FTO: variants seen among roughly 807,000 people sequenced by gnomAD.
FTO encodes the protein alpha-ketoglutarate-dependent dioxygenase FTO.
Under a neutral mutation model 63.9 loss-of-function variants are expected in FTO, and 47 were observed. That is an observed-to-expected ratio of 0.74 (90% CI 0.58 to 0.94). The LOEUF (loss-of-function observed/expected upper bound fraction) is 0.94. Among genes scored for constraint, FTO ranks in the 40% least tolerant of loss-of-function variants. The pLI is 0.00. For synonymous variants in FTO, 207 were observed against 224.4 expected, an observed-to-expected ratio of 0.92 and a Z score of 0.69; for missense variants, 562 against 618.1, an observed-to-expected ratio of 0.91 and a Z score of 0.96.
rs1446903440 is a variant in FTO at position 54,119,305 on chromosome 16, A to T, written c.*7390A>T. On this transcript the variant is annotated 3_prime_UTR_variant, in exon 9 of 9. Transcript: ENST00000471389. The stretch of plus-strand genomic sequence containing the variant: ...TTTCAAATAGGGAATTCGGCTTTCC[A>T]CGTTGGAACCAGAACAGTTAACCTT... The T allele has an allele frequency of 6.6e-6, 1 of 152,210 alleles. No individual in the cohort carries two copies. The highest frequency in any genetic ancestry group is 2.4e-5 in the African/African-American group (1 of 41,452). The allele number at this position is 152,210 out of a possible 1,614,324, so 9.4% of individuals were successfully genotyped here.
chr16:53,778,473 CAT>C (rs2077512038), intron 1 of FTO, among the ~76,000 whole-genome samples: 1 of 152,168 alleles, frequency 6.6e-6, no homozygotes, highest in South Asian at 2.1e-4. Flanking sequence ...TTTTACCCAG[CAT>C]TCTTTAAACC....
At chr16:53,836,613 CT>C (rs1402169629) in intron 3 of FTO, among the ~76,000 whole-genome samples, 1 of 148,684 alleles carries the variant, frequency 6.7e-6, no homozygotes, top group African/African-American at 2.4e-5. Flanking sequence ...TAATAGGATT[CT>C]TTTGATAGCA....
rs554398958 is a variant in FTO, at chr16:53,737,604, C to T, written c.45+33375C>T. Among the ~76,000 whole-genome samples, 3 of 152,310 alleles carry T rather than the reference C, an allele frequency of 2.0e-5. No homozygotes were observed. In the South Asian group the frequency reaches 6.2e-4, roughly 32 times the overall value. ...ATGCGGTCCGTTGTTGTCTGAAATA[C>T]CATTCTGCAATGCAAGACTGTGCAT... On this transcript the variant is annotated intron_variant, in intron 1 of 8. Coordinates refer to ENST00000471389, the MANE Select transcript of FTO (RefSeq NM_001080432.3).
intron 8 of FTO, among the ~76,000 whole-genome samples, chr16:53,941,894 A>C (rs1369810683): frequency 6.6e-6 from 1 of 152,194 alleles, no homozygotes; most frequent in African/African-American, 2.4e-5. Flanking sequence ...ACATTAAGCT[A>C]TCTCTTCCAT....
chr16:53,741,730 A>G (rs2151541535), intron 1 of FTO, among the ~76,000 whole-genome samples: 1 of 152,276 alleles, frequency 6.6e-6, no homozygotes, highest in African/African-American at 2.4e-5. Context: ...GTTGTGTATC[A>G]AGTTACCACA....
chr16:53,808,380 C>T (rs977729503), intron 1 of FTO, among the ~76,000 whole-genome samples: 8 of 151,812 alleles, frequency 5.3e-5, no homozygotes, highest in Non-Finnish European at 8.8e-5. Context: ...TCAACCTTTT[C>T]GTTGTAAATG....
intron 1 of FTO, among the ~76,000 whole-genome samples, chr16:53,715,504 A>G (rs1002166866): frequency 2.0e-5 from 3 of 152,222 alleles, no homozygotes; most frequent in African/African-American, 7.2e-5. Flanking sequence ...GGCAGGATGC[A>G]TCTTGGTGTC....
chr16:53,801,154 C>T (rs527904348), intron 1 of FTO, among the ~76,000 whole-genome samples: 12 of 151,566 alleles, frequency 7.9e-5, no homozygotes, highest in Non-Finnish European at 1.5e-4. Flanking sequence ...TTCTTTGATC[C>T]CTTTTTTTCT....
intron 8 of FTO, among the ~76,000 whole-genome samples, chr16:53,995,812 G>A (rs1446734387): frequency 2.6e-5 from 4 of 152,284 alleles, no homozygotes; most frequent in Non-Finnish European, 5.9e-5. Flanking sequence ...CTTGGGTTAA[G>A]CCAGTCATCG....
intron 3 of FTO, among the ~76,000 whole-genome samples, chr16:53,840,190 TA>T (rs1260769939): frequency 6.6e-6 from 1 of 152,180 alleles, no homozygotes; most frequent in African/African-American, 2.4e-5. Flanking sequence ...AAAACCTTCC[TA>T]AAATATTTCC....
At chr16:53,934,776 A>G (rs1043745692) in intron 8 of FTO, among the ~76,000 whole-genome samples, 2 of 152,226 alleles carry the variant, frequency 1.3e-5, no homozygotes. Context: ...ATATGGTGTT[A>G]TAATCTTATG....
chr16:53,874,187 C>A (rs1236435066), intron 5 of FTO, among the ~76,000 whole-genome samples: 2 of 152,138 alleles, frequency 1.3e-5, no homozygotes, highest in African/African-American at 4.8e-5. Context: ...AGGAGATGAC[C>A]AGAAGAATTG....
At chr16:54,003,563 C>T (rs1006959488) in intron 8 of FTO, among the ~76,000 whole-genome samples, 5 of 152,012 alleles carry the variant, frequency 3.3e-5, no homozygotes, top group Non-Finnish European at 7.4e-5. Flanking sequence ...GCTATGTTGC[C>T]CAAGCCAGTC....
intron 8 of FTO, among the ~76,000 whole-genome samples, chr16:54,038,542 A>G (rs2084996791): frequency 6.6e-6 from 1 of 152,124 alleles, no homozygotes; most frequent in Non-Finnish European, 1.5e-5. Context: ...TCCAAATTGC[A>G]TGTTGAAATG....
intron 8 of FTO, among the ~76,000 whole-genome samples, chr16:53,951,583 A>G (rs1313064547): frequency 1.3e-5 from 2 of 152,290 alleles, no homozygotes; most frequent in African/African-American, 4.8e-5. Flanking sequence ...GAAAATTTAT[A>G]TGCTTTGCTT....
intron 1 of FTO, among the ~76,000 whole-genome samples, chr16:53,727,057 T>G (rs2076171858): frequency 6.6e-6 from 1 of 152,166 alleles, no homozygotes; most frequent in African/African-American, 2.4e-5. Context: ...CCCCTCTTCT[T>G]TTCTTTCTTT....
At chr16:54,048,953 G>A (rs180714847) in intron 8 of FTO, among the ~76,000 whole-genome samples, 3 of 152,186 alleles carry the variant, frequency 2.0e-5, no homozygotes, top group East Asian at 3.9e-4. Context: ...ACGGTTGAAG[G>A]ACCATGTAAT....
intron 8 of FTO, among the ~76,000 whole-genome samples, chr16:53,977,000 T>C (rs1288554117): frequency 6.6e-6 from 1 of 152,168 alleles, no homozygotes; most frequent in Non-Finnish European, 1.5e-5. Flanking sequence ...CTTTTTCCTG[T>C]CTTGGCTGAT....
chr16:53,731,872 C>T lies in FTO; in HGVS notation c.45+27643C>T, dbSNP rs1196945310. Among the ~76,000 whole-genome samples the T allele has an allele frequency of 6.0e-5, 9 of 149,138 alleles. No individual in the cohort carries two copies. In the East Asian group the frequency reaches 1.0e-3, roughly 17 times the overall value. ...ACGCCATTCTCCTGCCTCAGCCTCC[C>T]GAGTAGCTGGGACTACAGGCTGTTT... is the stretch of plus-strand genomic sequence containing the variant. On this transcript the variant is annotated intron_variant, in intron 1 of 8. Transcript: ENST00000471389.
Sources: gnomAD v4.1 joint callset for allele counts (sites outside exome capture counted in the v4.1 genomes callset) on GRCh38, gnomAD v4.1.1 for gene constraint, MANE v1.5 for transcripts, NCBI Gene and HGNC (gene_info 2026-07-23, HGNC 2026-07-21) for gene names.